Variants in MAGI1 observed in about 807,000 individuals in gnomAD.
The protein encoded by MAGI1 is membrane-associated guanylate kinase, WW and PDZ domain-containing protein 1.
Under a neutral mutation model 139.9 loss-of-function variants are expected in MAGI1, and 58 were observed. That is an observed-to-expected ratio of 0.41 (90% CI 0.34 to 0.52). The LOEUF (loss-of-function observed/expected upper bound fraction) is 0.52, where lower values mean the gene tolerates loss of function less well. MAGI1 is among the 20% of genes least tolerant of loss of function. The pLI, the probability that MAGI1 is intolerant of heterozygous loss-of-function variation, is 0.12. For missense variants in MAGI1, 1,874 were observed against 1,901.6 expected (o/e 0.99, Z 0.27); for synonymous variants, 812 against 737.9 (o/e 1.10, Z -1.63).
intron 2 of MAGI1, among the ~76,000 whole-genome samples, chr3:65,579,568 G>A (rs1444921960): frequency 1.3e-5 from 2 of 152,162 alleles, no homozygotes; most frequent in Non-Finnish European, 2.9e-5. Flanking sequence ...CTCACTGGCC[G>A]GACTCAGTGG....
At chr3:65,730,099 A>T (rs183167883) in intron 1 of MAGI1, among the ~76,000 whole-genome samples, 5 of 152,360 alleles carry the variant, frequency 3.3e-5, no homozygotes, top group Admixed American at 1.3e-4. Context: ...GCAGATTGAG[A>T]CAAAATATAC....
intron 14 of MAGI1, among the ~76,000 whole-genome samples, chr3:65,388,333 C>A (rs1392432760): frequency 6.6e-6 from 1 of 152,026 alleles, no homozygotes; most frequent in Non-Finnish European, 1.5e-5. Context: ...GTATTTCCAA[C>A]AAAAAGAGGG....
chr3:66,007,636 G>T (rs1293100174), intron 1 of MAGI1, among the ~76,000 whole-genome samples: 1 of 152,180 alleles, frequency 6.6e-6, no homozygotes, highest in East Asian at 1.9e-4. Flanking sequence ...TGATGCTTCC[G>T]AGGAAACATT....
chr3:65,853,759 T>C (rs957583858), intron 1 of MAGI1, among the ~76,000 whole-genome samples: 1 of 152,176 alleles, frequency 6.6e-6, no homozygotes, highest in African/African-American at 2.4e-5. Context: ...ATTTTGCTGC[T>C]GATACTCAAT....
At position 65,402,761 on chromosome 3, in the gene MAGI1, C is replaced by T. The variant is rs183053938; in HGVS notation, c.2168-1291G>A. 3.5e-3 allele frequency among the ~76,000 whole-genome samples: 533 copies of T among 152,202 alleles called. 1 individual carries two copies. Among genetic ancestry groups the T allele is most frequent in the Non-Finnish European group, 6.2e-3 (421 of 68,002 alleles). On this transcript the variant is annotated intron_variant, in intron 12 of 22. Transcript: ENST00000402939. ...TAAGGAGGAAGCAGCCCAGATGAGCCGGCAGAGTGCCCACTGGGAGTGAGG... is the reference window on the plus strand; with the variant it reads ...TAAGGAGGAAGCAGCCCAGATGAGCTGGCAGAGTGCCCACTGGGAGTGAGG...
chr3:66,015,398 C>T (rs2067578710), intron 1 of MAGI1, among the ~76,000 whole-genome samples: 1 of 151,960 alleles, frequency 6.6e-6, no homozygotes, highest in South Asian at 2.1e-4. Flanking sequence ...CAGCCAACCC[C>T]CTCCCAGCCT....
chr3:65,567,847 AC>A (rs1462322757), intron 2 of MAGI1, among the ~76,000 whole-genome samples: 1 of 152,068 alleles, frequency 6.6e-6, no homozygotes, highest in Admixed American at 6.5e-5. Flanking sequence ...AAAAACAAAA[AC>A]AACAAAAAAA....
chr3:65,924,400 G>T (rs568926663), intron 1 of MAGI1, among the ~76,000 whole-genome samples: 1 of 152,302 alleles, frequency 6.6e-6, no homozygotes, highest in South Asian at 2.1e-4. Context: ...AATTAAGCCT[G>T]TCACTTTAAG....
chr3:65,995,873 C>CTGTA (rs1164586384), intron 1 of MAGI1, among the ~76,000 whole-genome samples: 2 of 152,146 alleles, frequency 1.3e-5, no homozygotes, highest in Admixed American at 6.5e-5. Context: ...TAGCATGCAC[C>CTGTA]TGTAGTCCTA....
At chr3:65,719,235 A>G (rs1417458988) in intron 1 of MAGI1, among the ~76,000 whole-genome samples, 1 of 151,944 alleles carries the variant, frequency 6.6e-6, no homozygotes, top group Admixed American at 6.6e-5. Flanking sequence ...AATTGGGCTT[A>G]TATGGATATA....
intron 1 of MAGI1, among the ~76,000 whole-genome samples, chr3:65,667,383 C>A (rs2086597041): frequency 6.6e-6 from 1 of 152,100 alleles, no homozygotes; most frequent in Non-Finnish European, 1.5e-5. Flanking sequence ...GGGAGAAAAG[C>A]AGCCAGAAGG....
intron 2 of MAGI1, chr3:65,619,767 C>T: frequency 1.4e-6 from 1 of 727,938 alleles, no homozygotes; most frequent in Non-Finnish European, 1.7e-6. Flanking sequence ...TGTTCAAAGG[C>T]ACACACGCTC....
At chr3:65,829,559 C>A (rs1036273732) in intron 1 of MAGI1, among the ~76,000 whole-genome samples, 1 of 152,236 alleles carries the variant, frequency 6.6e-6, no homozygotes, top group Non-Finnish European at 1.5e-5. Context: ...GACTTCCCAG[C>A]TCCCAGAAGT....
intron 1 of MAGI1, among the ~76,000 whole-genome samples, chr3:65,735,361 G>GTGTGTGTGTGTGTGTGTGTGTT (rs1221976758): frequency 0.014 from 1,667 of 117,848 alleles, 29 homozygotes; most frequent in African/African-American, 0.046. Flanking sequence ...CTGCACGTGT[G>GTGTGTGTGTGTGTGTGTGTGTT]TGTGTGTGTG....
intron 1 of MAGI1, among the ~76,000 whole-genome samples, chr3:66,004,375 G>A (rs1229000535): frequency 3.3e-5 from 5 of 152,074 alleles, no homozygotes; most frequent in African/African-American, 1.2e-4. Context: ...ACTGGCTGTC[G>A]GCCGAAACAC....
At chr3:65,361,092 A>T (rs1312599991) in intron 22 of MAGI1, 107 bp downstream of exon 22, 6 of 1,604,488 alleles carry the variant, frequency 3.7e-6, no homozygotes, top group Non-Finnish European at 4.3e-6. Flanking sequence ...GGCTGGTAAG[A>T]CACTGGTGAA....
intron 1 of MAGI1, among the ~76,000 whole-genome samples, chr3:65,686,519 C>A (rs1038897340): frequency 1.3e-5 from 2 of 152,124 alleles, no homozygotes; most frequent in Non-Finnish European, 2.9e-5. Context: ...TCTCGATCTC[C>A]TGACCTCATG....
chr3:65,778,510 C>G (rs1031451432), intron 1 of MAGI1, among the ~76,000 whole-genome samples: 1 of 151,718 alleles, frequency 6.6e-6, no homozygotes, highest in African/African-American at 2.4e-5. Flanking sequence ...TGTTGAATAT[C>G]CAGCACATTC....
chr3:65,645,862 T>C (rs1015763884), intron 1 of MAGI1, among the ~76,000 whole-genome samples: 1 of 152,048 alleles, frequency 6.6e-6, no homozygotes, highest in South Asian at 2.1e-4. Flanking sequence ...TTTAGTATTA[T>C]ATATAATGTA....
Sources: allele counts gnomAD v4.1 joint callset (sites outside exome capture counted in the v4.1 genomes callset), GRCh38; gene constraint gnomAD v4.1.1; transcripts MANE v1.5; gene names NCBI Gene and HGNC (gene_info 2026-07-23, HGNC 2026-07-21).